Variants in ACTL8 observed in about 807,000 individuals in gnomAD.
The protein encoded by ACTL8 is actin like 8.
In ACTL8, 3 loss-of-function variants were observed where a neutral mutation model predicts 9.3. The observed-to-expected ratio is 0.32, with a 90% CI of 0.15 to 0.83. The LOEUF is 0.83. Among genes scored for constraint, ACTL8 ranks in the 40% least tolerant of loss-of-function variants. The pLI is 0.57. For synonymous variants in ACTL8, 224 were observed against 205.9 expected, an observed-to-expected ratio of 1.09 and a Z score of -0.75; for missense variants, 381 against 492.2, an observed-to-expected ratio of 0.77 and a Z score of 2.14.
chr1:17,779,011 G>A (rs780494934), intron 1 of ACTL8, among the ~76,000 whole-genome samples: 20 of 152,126 alleles, frequency 1.3e-4, no homozygotes, highest in Non-Finnish European at 2.8e-4. Context: ...CTGGAGGTGG[G>A]ATAGGCACCC....
intron 1 of ACTL8, among the ~76,000 whole-genome samples, chr1:17,796,712 C>T (rs376089715): frequency 3.9e-5 from 6 of 152,214 alleles, no homozygotes; most frequent in South Asian, 2.1e-4. Context: ...CAGGTCCACC[C>T]GGCTTCAAAA....
chr1:17,815,872 T>C (rs981218675), intron 1 of ACTL8, among the ~76,000 whole-genome samples: 4 of 152,202 alleles, frequency 2.6e-5, no homozygotes, highest in Non-Finnish European at 5.9e-5. Flanking sequence ...GTGTTTTAGA[T>C]TGAATAATTT....
At position 17,800,434 on chromosome 1, in the gene ACTL8, ATTATC is replaced by A. The variant is rs150060612; in HGVS notation, c.-24-22547_-24-22543del. Among the ~76,000 whole-genome samples, 107 of 152,144 alleles carry A rather than the reference ATTATC, an allele frequency of 7.0e-4. 1 individual carries two copies. Among genetic ancestry groups the A allele is most frequent in the African/African-American group, 2.5e-3 (102 of 41,514 alleles). ...CTGTTGGATTTTTTCTATAGATGAT[ATTATC>A]TTAAACGTGAACAATGGTGGTCTCT... On this transcript the variant is annotated intron_variant, in intron 1 of 2. Transcript: ENST00000375406.
At chr1:17,769,680 G>A (rs1036718322) in intron 1 of ACTL8, among the ~76,000 whole-genome samples, 1 of 152,148 alleles carries the variant, frequency 6.6e-6, no homozygotes, top group Non-Finnish European at 1.5e-5. Flanking sequence ...CAGGCGCAGG[G>A]CAGAAGAGGG....
At chr1:17,795,285 C>T (rs894182902) in intron 1 of ACTL8, among the ~76,000 whole-genome samples, 4 of 152,168 alleles carry the variant, frequency 2.6e-5, no homozygotes, top group Non-Finnish European at 4.4e-5. Flanking sequence ...CCCTCCCCAC[C>T]GTACTTTGTC....
At chr1:17,770,693 A>G (rs896460553) in intron 1 of ACTL8, among the ~76,000 whole-genome samples, 15 of 152,208 alleles carry the variant, frequency 9.9e-5, no homozygotes, top group African/African-American at 3.4e-4. Flanking sequence ...GAAAGACCTC[A>G]GAGAGACAGT....
intron 1 of ACTL8, among the ~76,000 whole-genome samples, chr1:17,785,603 C>T (rs185792705): frequency 6.6e-6 from 1 of 152,332 alleles, no homozygotes; most frequent in East Asian, 1.9e-4. Flanking sequence ...CCCACTGTGA[C>T]AGGGATGCTT....
chr1:17,774,066 T>C (rs575020185), intron 1 of ACTL8, among the ~76,000 whole-genome samples: 1 of 152,148 alleles, frequency 6.6e-6, no homozygotes, highest in African/African-American at 2.4e-5. Flanking sequence ...CCTGTGGACA[T>C]TGCTGTCATG....
chr1:17,802,424 CGTGTGTGT>C (rs72387933), intron 1 of ACTL8, among the ~76,000 whole-genome samples: 112 of 146,692 alleles, frequency 7.6e-4, no homozygotes, highest in African/African-American at 2.6e-3. Flanking sequence ...ACTGTGCGTG[CGTGTGTGT>C]GTGTGTGTGT....
chr1:17,812,039 G>A (rs2066396578), intron 1 of ACTL8, among the ~76,000 whole-genome samples: 1 of 151,726 alleles, frequency 6.6e-6, no homozygotes, highest in Non-Finnish European at 1.5e-5. Flanking sequence ...TGTATTTTTA[G>A]TAGAGATGGG....
At position 17,767,732 on chromosome 1, in the gene ACTL8, T is replaced by C. The variant is rs886994283; in HGVS notation, c.-25+12228T>C. Among the ~76,000 whole-genome samples the C allele has an allele frequency of 5.9e-5, 9 of 152,218 alleles. No individual in the cohort carries two copies. Among genetic ancestry groups the C allele is most frequent in the African/African-American group, 1.9e-4 (8 of 41,454 alleles). ...AATACCTGCTTTATGTGTTGCCTGC[T>C]CAGTTATGTCTCATTGTTGCCTTTA... On this transcript the variant is annotated intron_variant, in intron 1 of 2. Coordinates refer to ENST00000375406, the MANE Select transcript of ACTL8 (RefSeq NM_030812.3). The surrounding 1 kb of genome is among the most constrained non-coding windows in gnomAD (Gnocchi z 4.7).
At chr1:17,809,029 G>A (rs1328045212) in intron 1 of ACTL8, among the ~76,000 whole-genome samples, 1 of 152,098 alleles carries the variant, frequency 6.6e-6, no homozygotes. Context: ...CATGTTTTAG[G>A]GACACGGGAG....
chr1:17,803,987 C>T (rs980436877), intron 1 of ACTL8, among the ~76,000 whole-genome samples: 17 of 152,326 alleles, frequency 1.1e-4, no homozygotes, highest in African/African-American at 3.8e-4. Flanking sequence ...AGTGACATCA[C>T]ATACGAACCC....
chr1:17,821,632 C>CTTTTT (rs35829365), intron 1 of ACTL8, among the ~76,000 whole-genome samples: 1 of 151,390 alleles, frequency 6.6e-6, no homozygotes, highest in African/African-American at 2.4e-5. Flanking sequence ...TGACTATTCC[C>CTTTTT]TTTTTTTTCT....
chr1:17,793,285 C>G (rs1439100155), intron 1 of ACTL8, among the ~76,000 whole-genome samples: 2 of 152,206 alleles, frequency 1.3e-5, no homozygotes, highest in Non-Finnish European at 1.5e-5. Flanking sequence ...GAGTGGCCAT[C>G]TGGAGCCCTC....
chr1:17,804,808 G>A (rs1282024163), intron 1 of ACTL8, among the ~76,000 whole-genome samples: 1 of 151,936 alleles, frequency 6.6e-6, no homozygotes, highest in African/African-American at 2.4e-5. Flanking sequence ...TAGAAATGGG[G>A]TTTCACCATG....
At chr1:17,797,807 A>T (rs1212061548) in intron 1 of ACTL8, among the ~76,000 whole-genome samples, 2 of 151,492 alleles carry the variant, frequency 1.3e-5, no homozygotes, top group African/African-American at 2.4e-5. Context: ...AAATTGTGGG[A>T]TGGAAGTAAA....
At position 17,826,023 on chromosome 1, in the gene ACTL8, A is replaced by AGACAG; in HGVS notation, c.606_610dup (p.Val204GlyfsTer5). The AGACAG allele has an allele frequency of 1.9e-6, 3 of 1,606,874 alleles. No homozygotes were observed. Among genetic ancestry groups the AGACAG allele is most frequent in the Non-Finnish European group, 2.5e-6 (3 of 1,179,978 alleles). ...GATAGACGCTGCCTGTTTCAGCTGG[A>AGACAG]GACAGTCGCCGTGACTCAGATGAAC... On this transcript the variant is annotated frameshift_variant, in exon 3 of 3. Coordinates refer to ENST00000375406, the MANE Select transcript of ACTL8 (RefSeq NM_030812.3). LOFTEE classifies it low-confidence loss of function (END_TRUNC). This position sits in a 1 kb window ranked among gnomAD's most constrained non-coding sequence, Gnocchi z 4.5.
chr1:17,787,078 C>T (rs1480444356), intron 1 of ACTL8, among the ~76,000 whole-genome samples: 1 of 152,108 alleles, frequency 6.6e-6, no homozygotes, highest in Non-Finnish European at 1.5e-5. Context: ...TGTTTATCTC[C>T]TAACCCTCCT....
Sources: allele counts gnomAD v4.1 joint callset (sites outside exome capture counted in the v4.1 genomes callset), GRCh38; gene constraint gnomAD v4.1.1; non-coding constraint Gnocchi (gnomAD v3.1); transcripts MANE v1.5; gene names NCBI Gene and HGNC (gene_info 2026-07-23, HGNC 2026-07-21).